Variants in PDCD1LG2 observed in about 807,000 individuals in gnomAD.
PDCD1LG2 encodes the protein programmed cell death 1 ligand 2.
Under a neutral mutation model 28.2 loss-of-function variants are expected in PDCD1LG2, and 32 were observed. The observed-to-expected ratio is 1.13, with a 90% CI of 0.86 to 1.52. The LOEUF is 1.52. Ranked by LOEUF, PDCD1LG2 falls within the 40% of genes most tolerant of loss-of-function variation. PDCD1LG2 has a pLI of 0.00. For synonymous variants in PDCD1LG2, 116 were observed against 120.2 expected, an observed-to-expected ratio of 0.97 and a Z score of 0.23; for missense variants, 385 against 323.8, an observed-to-expected ratio of 1.19 and a Z score of -1.45.
At chr9:5,535,449 C>T (rs569350103) in intron 3 of PDCD1LG2, among the ~76,000 whole-genome samples, 1 of 152,218 alleles carries the variant, frequency 6.6e-6, no homozygotes, top group Non-Finnish European at 1.5e-5. Context: ...GTTTGCCGCC[C>T]ATTCATGGAT....
chr9:5,516,115 A>C (rs1820157087), intron 1 of PDCD1LG2, among the ~76,000 whole-genome samples: 1 of 151,514 alleles, frequency 6.6e-6, no homozygotes, highest in Non-Finnish European at 1.5e-5. Context: ...GCAGTGGCGC[A>C]ATCTCGGCTC....
At chr9:5,560,667 A>G (rs1019000878) in intron 5 of PDCD1LG2, among the ~76,000 whole-genome samples, 1 of 149,010 alleles carries the variant, frequency 6.7e-6, no homozygotes, top group Non-Finnish European at 1.5e-5. Context: ...CCTTCTCTTC[A>G]GTTCCTCTTA....
At chr9:5,554,607 C>T (rs1816399402) in intron 4 of PDCD1LG2, among the ~76,000 whole-genome samples, 1 of 152,180 alleles carries the variant, frequency 6.6e-6, no homozygotes, top group African/African-American at 2.4e-5. Context: ...AAATTTCAAG[C>T]ACAAGTTAGG....
Position 5,546,512 on chromosome 9 carries a change from T to C in PDCD1LG2, c.362-2823T>C, listed in dbSNP as rs1816209185. ...GATTATGAAAGATAGGCCAAAGTTT[T>C]GGCTTCAAGGAGATTGGTGAGTCTA... On this transcript the variant is annotated intron_variant, in intron 3 of 6. Transcript: ENST00000397747. Among the ~76,000 whole-genome samples, 3 of 152,222 alleles carry C rather than the reference T, an allele frequency of 2.0e-5. No homozygotes were observed. In the South Asian group the frequency reaches 6.2e-4, roughly 32 times the overall value.
At chr9:5,551,072 C>T (rs956359364) in intron 4 of PDCD1LG2, among the ~76,000 whole-genome samples, 5 of 152,174 alleles carry the variant, frequency 3.3e-5, no homozygotes, top group African/African-American at 1.2e-4. Flanking sequence ...CTCCATCCCC[C>T]TGGTTATTTG....
intron 6 of PDCD1LG2, among the ~76,000 whole-genome samples, chr9:5,565,039 G>C (rs1563835171): frequency 1.3e-5 from 2 of 152,180 alleles, no homozygotes; most frequent in South Asian, 4.1e-4. Flanking sequence ...CCATTTTATA[G>C]GTGAGGAAGA....
intron 2 of PDCD1LG2, among the ~76,000 whole-genome samples, chr9:5,527,126 T>C (rs1319185052): frequency 6.6e-6 from 1 of 152,254 alleles, no homozygotes; most frequent in Non-Finnish European, 1.5e-5. Context: ...ACATTTTATA[T>C]CATTTTTAAA....
intron 4 of PDCD1LG2, among the ~76,000 whole-genome samples, chr9:5,550,372 T>C (rs761251820): frequency 6.6e-6 from 1 of 152,230 alleles, no homozygotes; most frequent in Non-Finnish European, 1.5e-5. Flanking sequence ...ATCATAATCA[T>C]TTCGTAAGAG....
rs547301307 is a variant in PDCD1LG2 at position 5,557,505 on chromosome 9, G to C, written c.632-113G>C. 6.3e-6 allele frequency: 8 copies of C among 1,263,564 alleles called. No individual in the cohort carries two copies. The South Asian group carries it at 9.4e-5, about 15-fold the overall frequency. The allele number at this position is 1,263,564 out of a possible 1,614,324, so 78.3% of individuals were successfully genotyped here. A position where few individuals can be genotyped will look rare whatever the true frequency, so the allele number is the denominator to read the frequency against. On this transcript the variant is annotated intron_variant, in intron 4 of 6. Transcript: ENST00000397747. ...CACTTAGAATAGGGCCTGGTGTGGA[G>C]TAAATGCTCCACAGAGCTAGCCGTG...
intron 6 of PDCD1LG2, among the ~76,000 whole-genome samples, chr9:5,568,485 T>C (rs1186658632): frequency 6.6e-6 from 1 of 152,204 alleles, no homozygotes; most frequent in Non-Finnish European, 1.5e-5. Flanking sequence ...ATCCTGAAAC[T>C]ATAGCCTACC....
chr9:5,563,284 T>C (rs1816602316), intron 6 of PDCD1LG2, 73 bp downstream of exon 6: 1 of 1,283,610 alleles, frequency 7.8e-7, no homozygotes, highest in African/African-American at 1.5e-5. Context: ...AAGTAACCAC[T>C]GTTCTATTAA....
chr9:5,525,703 T>G (rs1417592454), intron 2 of PDCD1LG2, among the ~76,000 whole-genome samples: 2 of 152,094 alleles, frequency 1.3e-5, no homozygotes, highest in African/African-American at 4.8e-5. Context: ...GTCCTTTTCA[T>G]AAATAAATAT....
chr9:5,552,022 A>G (rs1816344846), intron 4 of PDCD1LG2, among the ~76,000 whole-genome samples: 1 of 152,166 alleles, frequency 6.6e-6, no homozygotes, highest in Non-Finnish European at 1.5e-5. Flanking sequence ...AACACCCCAG[A>G]TGGAATGGTT....
At chr9:5,513,226 A>T (rs1380666065) in intron 1 of PDCD1LG2, among the ~76,000 whole-genome samples, 3 of 152,174 alleles carry the variant, frequency 2.0e-5, no homozygotes, top group African/African-American at 4.8e-5. Context: ...TACTCTGTTC[A>T]TTGTCCCCTC....
Position 5,545,840 on chromosome 9 carries a change from G to C in PDCD1LG2, c.362-3495G>C, listed in dbSNP as rs562053697. ...CACACATTGTTTTCAAGCGTATGTG[G>C]AACAATCATCAAAGCAATTATCTAG... On this transcript the variant is annotated intron_variant, in intron 3 of 6. Coordinates refer to ENST00000397747, the MANE Select transcript of PDCD1LG2 (RefSeq NM_025239.4). Among the ~76,000 whole-genome samples the C allele has an allele frequency of 7.5e-4, 114 of 152,228 alleles. 2 individuals carry two copies. Among genetic ancestry groups the C allele is most frequent in the Non-Finnish European group, 2.9e-4 (20 of 67,994 alleles).
chr9:5,524,241 T>C (rs747655272), intron 2 of PDCD1LG2, among the ~76,000 whole-genome samples: 16 of 152,352 alleles, frequency 1.1e-4, no homozygotes, highest in South Asian at 4.1e-4. Flanking sequence ...ACAAAGCTAA[T>C]GTCCTTTCTA....
intron 3 of PDCD1LG2, among the ~76,000 whole-genome samples, chr9:5,540,766 C>G (rs1820672073): frequency 6.6e-6 from 1 of 152,112 alleles, no homozygotes; most frequent in Non-Finnish European, 1.5e-5. Flanking sequence ...AGATTCATAG[C>G]TGAATTCTAT....
intron 2 of PDCD1LG2, among the ~76,000 whole-genome samples, chr9:5,532,808 C>T (rs1018943066): frequency 3.9e-5 from 6 of 152,142 alleles, no homozygotes; most frequent in South Asian, 2.1e-4. Context: ...AAACATGGTA[C>T]GAAAGAAAGG....
chr9:5,516,605 G>A (rs931280083), intron 1 of PDCD1LG2, among the ~76,000 whole-genome samples: 9 of 152,210 alleles, frequency 5.9e-5, no homozygotes, highest in Non-Finnish European at 1.2e-4. Flanking sequence ...TGCCCAGGCT[G>A]TTCGTGCCGA....
Sources: allele counts gnomAD v4.1 joint callset (sites outside exome capture counted in the v4.1 genomes callset), GRCh38; gene constraint gnomAD v4.1.1; transcripts MANE v1.5; gene names NCBI Gene and HGNC (gene_info 2026-07-23, HGNC 2026-07-21).